The following CDH22 variants were observed in gnomAD, a reference collection of about 807,000 sequenced individuals.
CDH22 encodes the protein cadherin-22.
In CDH22, 30 loss-of-function variants were observed where a neutral mutation model predicts 58.4. The observed-to-expected ratio is 0.51, with a 90% CI of 0.38 to 0.70. CDH22 has a LOEUF of 0.70. Ranked by LOEUF, CDH22 falls within the 30% of genes least tolerant of loss-of-function variation. The pLI is 0.00. For missense variants in CDH22, 1,014 were observed against 1,233.9 expected (o/e 0.82, Z 2.67); for synonymous variants, 513 against 558.2 (o/e 0.92, Z 1.14).
chr20:46,293,117 C>T lies in CDH22; in HGVS notation c.-400+15138G>A, dbSNP rs553105532. The stretch of plus-strand genomic sequence containing the variant: ...TTGGGGGAGGAGACTGCCAAGACCC[C>T]TTAGTGGTTACAACCCTCTAGAATC... On this transcript the variant is annotated intron_variant, in intron 1 of 11. Coordinates refer to ENST00000537909, the MANE Select transcript of CDH22 (RefSeq NM_021248.3). Among the ~76,000 whole-genome samples the T allele has an allele frequency of 2.0e-5, 3 of 152,182 alleles. 1 individual carries two copies. The South Asian group carries it at 6.2e-4, about 32-fold the overall frequency.
intron 7 of CDH22, among the ~76,000 whole-genome samples, chr20:46,206,080 T>G (rs562137945): frequency 6.6e-6 from 1 of 152,302 alleles, no homozygotes; most frequent in South Asian, 2.1e-4. Flanking sequence ...GTCACTGGAT[T>G]CGTTCACACG....
chr20:46,193,252 T>A (rs1600689666), intron 8 of CDH22, among the ~76,000 whole-genome samples: 2 of 151,942 alleles, frequency 1.3e-5, no homozygotes, highest in Admixed American at 6.6e-5. Flanking sequence ...ATCCCAGGAG[T>A]CATCCAGTCC....
chr20:46,307,795 G>C (rs1031899520), intron 1 of CDH22, among the ~76,000 whole-genome samples: 1 of 152,012 alleles, frequency 6.6e-6, no homozygotes, highest in African/African-American at 2.4e-5. Context: ...CTCTGGGAGG[G>C]GCCGGGGAGC....
intron 1 of CDH22, among the ~76,000 whole-genome samples, chr20:46,258,817 G>C (rs1417162031): frequency 1.3e-5 from 2 of 152,234 alleles, no homozygotes; most frequent in African/African-American, 2.4e-5. Flanking sequence ...CACGATGTGA[G>C]AAATATTCAC....
chr20:46,205,806 C>A (rs1051002135), intron 7 of CDH22, among the ~76,000 whole-genome samples: 1 of 152,154 alleles, frequency 6.6e-6, no homozygotes. Context: ...GCTCCCTTGT[C>A]CCTTGTCGTG....
intron 1 of CDH22, among the ~76,000 whole-genome samples, chr20:46,276,777 C>A (rs2086520168): frequency 1.3e-5 from 2 of 151,976 alleles, no homozygotes; most frequent in Non-Finnish European, 2.9e-5. Context: ...GTGGGCAGGG[C>A]CAGAGAAAGT....
At chr20:46,238,124 CAGTT>C (rs1600711368) in intron 3 of CDH22, among the ~76,000 whole-genome samples, 1 of 152,354 alleles carries the variant, frequency 6.6e-6, no homozygotes, top group Middle Eastern at 3.4e-3. Context: ...GTCACTCCCT[CAGTT>C]AGGCCTTTCC....
At position 46,275,695 on chromosome 20, in the gene CDH22, C is replaced by T. The variant is rs144651064; in HGVS notation, c.-399-24002G>A. On this transcript the variant is annotated intron_variant, in intron 1 of 11. Coordinates refer to ENST00000537909, the MANE Select transcript of CDH22 (RefSeq NM_021248.3). ...TGATTCAACAAACGTTGTCTGAACACCCTCTCTGTGCCAGGAGCTGAGCCT... is the reference window on the plus strand; with the variant it reads ...TGATTCAACAAACGTTGTCTGAACATCCTCTCTGTGCCAGGAGCTGAGCCT... Among the ~76,000 whole-genome samples, 596 of 152,118 alleles carry T rather than the reference C, an allele frequency of 3.9e-3. 2 individuals are homozygous for T. The highest frequency in any genetic ancestry group is 4.4e-3 in the Non-Finnish European group (297 of 68,002).
At chr20:46,189,118 G>A (rs976906801) in intron 8 of CDH22, among the ~76,000 whole-genome samples, 1 of 152,166 alleles carries the variant, frequency 6.6e-6, no homozygotes, top group Non-Finnish European at 1.5e-5. Context: ...GGGGGGGCGG[G>A]CGGCGGTCAG....
intron 2 of CDH22, among the ~76,000 whole-genome samples, chr20:46,244,327 A>G (rs2086313213): frequency 1.3e-5 from 2 of 152,338 alleles, no homozygotes; most frequent in African/African-American, 4.8e-5. Context: ...GACAGGGGCA[A>G]TCTGCCTGGG....
At chr20:46,229,449 A>G (rs2086203718) in intron 3 of CDH22, among the ~76,000 whole-genome samples, 1 of 152,196 alleles carries the variant, frequency 6.6e-6, no homozygotes, top group Admixed American at 6.5e-5. Context: ...GACTTTGGGG[A>G]CAGTGGTCTG....
intron 3 of CDH22, among the ~76,000 whole-genome samples, chr20:46,238,964 A>T (rs1484699150): frequency 6.6e-6 from 1 of 152,240 alleles, no homozygotes; most frequent in Non-Finnish European, 1.5e-5. Context: ...TGGCTGCATG[A>T]TCTGGTCACC....
chr20:46,232,460 GAT>G (rs1486489784), intron 3 of CDH22, among the ~76,000 whole-genome samples: 6 of 152,288 alleles, frequency 3.9e-5, no homozygotes, highest in African/African-American at 1.4e-4. Context: ...GAGAGAAAGA[GAT>G]GAAGCACTTT....
At chr20:46,236,663 A>G (rs906557334) in intron 3 of CDH22, among the ~76,000 whole-genome samples, 2 of 138,966 alleles carry the variant, frequency 1.4e-5, no homozygotes, top group Admixed American at 7.4e-5. Context: ...CTATCTATCT[A>G]TCTATCTATC....
intron 8 of CDH22, among the ~76,000 whole-genome samples, chr20:46,193,063 C>A (rs1461966711): frequency 6.6e-6 from 1 of 152,064 alleles, no homozygotes; most frequent in Non-Finnish European, 1.5e-5. Context: ...TGGGGGAGGA[C>A]TTCTGGGTGA....
chr20:46,280,174 C>T (rs917547766), intron 1 of CDH22, among the ~76,000 whole-genome samples: 2 of 152,136 alleles, frequency 1.3e-5, no homozygotes, highest in Admixed American at 6.5e-5. Flanking sequence ...AATCCCAGCA[C>T]ATTGAGAGGC....
At chr20:46,271,571 A>G (rs1426222658) in intron 1 of CDH22, among the ~76,000 whole-genome samples, 1 of 152,064 alleles carries the variant, frequency 6.6e-6, no homozygotes, top group Non-Finnish European at 1.5e-5. Flanking sequence ...GCCCACTGCC[A>G]TCTGGCTTCT....
intron 1 of CDH22, among the ~76,000 whole-genome samples, chr20:46,257,775 A>T (rs2086413617): frequency 6.6e-6 from 1 of 152,178 alleles, no homozygotes; most frequent in Non-Finnish European, 1.5e-5. Context: ...TGTAAAGCTG[A>T]GACTGGGTGA....
At chr20:46,263,406 C>CTCTGTGTG (rs1555806371) in intron 1 of CDH22, among the ~76,000 whole-genome samples, 15 of 150,378 alleles carry the variant, frequency 1.0e-4, no homozygotes, top group African/African-American at 3.7e-4. Context: ...GCCTTCCATT[C>CTCTGTGTG]TGTGTGTGTG....
Sources: gnomAD v4.1 joint callset for allele counts (sites outside exome capture counted in the v4.1 genomes callset) on GRCh38, gnomAD v4.1.1 for gene constraint, MANE v1.5 for transcripts, NCBI Gene and HGNC (gene_info 2026-07-23, HGNC 2026-07-21) for gene names.